The following EEPD1 variants were observed in gnomAD, a reference collection of about 807,000 sequenced individuals.
The protein encoded by EEPD1 is endonuclease/exonuclease/phosphatase family domain containing 1.
Under a neutral mutation model 46.3 loss-of-function variants are expected in EEPD1, and 17 were observed. The observed-to-expected ratio is 0.37, with a 90% CI of 0.25 to 0.55. The LOEUF (loss-of-function observed/expected upper bound fraction) is 0.55. Among genes scored for constraint, EEPD1 ranks in the 20% least tolerant of loss-of-function variants. The probability of loss-of-function intolerance (pLI) is 0.83; values close to 1 mark genes in which losing one functional copy is unlikely to be tolerated. For synonymous variants in EEPD1, 313 were observed against 315.6 expected (o/e 0.99, Z 0.09); for missense variants, 673 against 745.6 (o/e 0.90, Z 1.13).
At chr7:36,196,763 G>A (rs1342940712) in intron 2 of EEPD1, among the ~76,000 whole-genome samples, 7 of 152,154 alleles carry the variant, frequency 4.6e-5, no homozygotes, top group African/African-American at 1.4e-4. Context: ...GGCTCGCTAC[G>A]GCCTCCACCT....
intron 6 of EEPD1, among the ~76,000 whole-genome samples, chr7:36,293,410 C>T (rs553003589): frequency 1.3e-5 from 2 of 152,192 alleles, no homozygotes; most frequent in African/African-American, 4.8e-5. Flanking sequence ...ACATGCAATC[C>T]CAGAGAGCTT....
intron 2 of EEPD1, among the ~76,000 whole-genome samples, chr7:36,234,056 T>A (rs2115771531): frequency 6.6e-6 from 1 of 152,296 alleles, no homozygotes; most frequent in South Asian, 2.1e-4. Context: ...TAGCTGGGAT[T>A]ACAGGCGCCC....
In EEPD1 at chr7:36,154,930, C is replaced by G. The variant is rs144236439; in HGVS notation, c.606C>G (p.Pro202=). Residue 202 remains proline (P), a synonymous_variant, in exon 2 of 8, where the codon CCC becomes CCG. Coordinates refer to ENST00000242108, the MANE Select transcript of EEPD1 (RefSeq NM_030636.3). This position sits in a 1 kb window ranked among gnomAD's most constrained non-coding sequence, Gnocchi z 4.2. The part of the protein sequence containing the change: ...RHQVFAERSR[P]PSTHTNGGLT... ...AGGTGTTTGCTGAGAGGTCCAGGCC[C>G]CCATCCACCCACACGAACGGGGGAC... 3,838 of 1,614,076 alleles carry G rather than the reference C, an allele frequency of 2.4e-3. 5 individuals are homozygous for G. The highest frequency in any genetic ancestry group is 3.0e-3 in the Non-Finnish European group (3,570 of 1,180,024).
intron 6 of EEPD1, among the ~76,000 whole-genome samples, chr7:36,288,809 A>G (rs28431055): frequency 0.086 from 13,037 of 151,532 alleles, 643 homozygotes; most frequent in African/African-American, 0.13. Flanking sequence ...AAGGGGGGCT[A>G]TGCCCCAACT....
intron 2 of EEPD1, among the ~76,000 whole-genome samples, chr7:36,210,973 G>A (rs577459168): frequency 1.3e-5 from 2 of 152,194 alleles, no homozygotes; most frequent in African/African-American, 4.8e-5. Context: ...ACTGCTGTGT[G>A]CCCATCTAGG....
At chr7:36,205,862 CAA>C (rs1460887844) in intron 2 of EEPD1, among the ~76,000 whole-genome samples, 1 of 152,142 alleles carries the variant, frequency 6.6e-6, no homozygotes, top group Admixed American at 6.5e-5. Context: ...GTGGCACAGA[CAA>C]AACCCCATAG....
At chr7:36,281,631 C>T (rs1451884076) in intron 4 of EEPD1, among the ~76,000 whole-genome samples, 1 of 152,218 alleles carries the variant, frequency 6.6e-6, no homozygotes, top group Non-Finnish European at 1.5e-5. Flanking sequence ...AGAAATTATG[C>T]ACATAATTTC....
intron 2 of EEPD1, among the ~76,000 whole-genome samples, chr7:36,233,193 C>G (rs192349205): frequency 6.6e-6 from 1 of 152,352 alleles, no homozygotes; most frequent in East Asian, 1.9e-4. Context: ...AACCTGGAAT[C>G]TAGATTTGCA....
At chr7:36,273,860 G>T (rs1305371672) in intron 3 of EEPD1, among the ~76,000 whole-genome samples, 1 of 152,174 alleles carries the variant, frequency 6.6e-6, no homozygotes, top group Non-Finnish European at 1.5e-5. Context: ...CCAAAGCCAC[G>T]AGGAAGCAAG....
chr7:36,219,806 A>AGAGAGAGTGTGTGTGTGT (rs1341203087), intron 2 of EEPD1, among the ~76,000 whole-genome samples: 2 of 75,400 alleles, frequency 2.7e-5, no homozygotes, highest in African/African-American at 9.1e-5. Context: ...AGAGAGAGAG[A>AGAGAGAGTGTGTGTGTGT]GTGTGTGTGT....
intron 2 of EEPD1, among the ~76,000 whole-genome samples, chr7:36,238,179 CAT>C (rs1035709248): frequency 6.6e-6 from 1 of 152,142 alleles, no homozygotes; most frequent in Non-Finnish European, 1.5e-5. Flanking sequence ...TTATAATTAA[CAT>C]GTAATGAGCA....
intron 6 of EEPD1, among the ~76,000 whole-genome samples, chr7:36,295,924 A>T (rs1368233909): frequency 6.8e-6 from 1 of 147,704 alleles, no homozygotes; most frequent in Non-Finnish European, 1.5e-5. Context: ...CCAGCTACTC[A>T]GGAGGCTGAG....
intron 2 of EEPD1, among the ~76,000 whole-genome samples, chr7:36,191,795 C>A (rs147599345): frequency 6.6e-6 from 1 of 152,176 alleles, no homozygotes; most frequent in East Asian, 1.9e-4. Context: ...GCTGTCTGAT[C>A]GGACATGTTT....
At chr7:36,176,473 G>A (rs138966180) in intron 2 of EEPD1, among the ~76,000 whole-genome samples, 2 of 152,174 alleles carry the variant, frequency 1.3e-5, no homozygotes, top group African/African-American at 2.4e-5. Context: ...AACGGATGTC[G>A]GAATAAAGTT....
chr7:36,161,737 C>G (rs1282622184), intron 2 of EEPD1, among the ~76,000 whole-genome samples: 1 of 151,976 alleles, frequency 6.6e-6, no homozygotes, highest in African/African-American at 2.4e-5. Context: ...GGAAACATAG[C>G]AAGACCCTAT....
intron 2 of EEPD1, among the ~76,000 whole-genome samples, chr7:36,180,543 A>T (rs1418163569): frequency 6.6e-6 from 1 of 152,174 alleles, no homozygotes. Flanking sequence ...GGAGGTAGGC[A>T]GGAGAAATTT....
chr7:36,286,691 GA>G lies in EEPD1; in HGVS notation c.1177-944del, dbSNP rs1256364144. 2.6e-5 allele frequency among the ~76,000 whole-genome samples: 4 copies of G among 152,196 alleles called. No homozygotes were observed. The East Asian group carries it at 7.7e-4, about 29-fold the overall frequency. On this transcript the variant is annotated intron_variant, in intron 5 of 7. Transcript: ENST00000242108. ...ATCTGGCTATAGTGGGCTCCAGAGA[GA>G]AAAGAACACAGAGGAGCGTGTGTGG...
rs751185827 is a variant in EEPD1 at position 36,154,731 on chromosome 7, G to A, written c.407G>A (p.Arg136His). The change falls in exon 2 of 8, where the codon CGT becomes CAT. Residue 136 changes from arginine (R) to histidine (H), a missense_variant. Coordinates refer to ENST00000242108, the MANE Select transcript of EEPD1 (RefSeq NM_030636.3). The surrounding 1 kb of genome is among the most constrained non-coding windows in gnomAD (Gnocchi z 4.2). ...GCCACAGCTGTGCCCCTCACCCCAC[G>A]TGTTAACATCAACACAGCCACCCCG... ...HLATAVPLTP[R>H]VNINTATPAQ... 6.2e-7 allele frequency: 1 copy of A among 1,613,998 alleles called. No homozygotes were observed. The highest frequency in any genetic ancestry group is 1.1e-5 in the South Asian group (1 of 91,076).
At chr7:36,173,768 G>A (rs1009184752) in intron 2 of EEPD1, among the ~76,000 whole-genome samples, 1 of 152,216 alleles carries the variant, frequency 6.6e-6, no homozygotes, top group Admixed American at 6.5e-5. Flanking sequence ...CATGGCTTGA[G>A]AGAGTTTTTT....
Sources: gnomAD v4.1 joint callset for allele counts (sites outside exome capture counted in the v4.1 genomes callset) on GRCh38, gnomAD v4.1.1 for gene constraint, Gnocchi (gnomAD v3.1) non-coding constraint, MANE v1.5 for transcripts, NCBI Gene and HGNC (gene_info 2026-07-23, HGNC 2026-07-21) for gene names.